NCOR2: variants seen among roughly 807,000 people sequenced by gnomAD.
The protein encoded by NCOR2 is nuclear receptor corepressor 2.
A neutral mutation model predicts 262.9 loss-of-function variants in NCOR2; 81 were observed. That is an observed-to-expected ratio of 0.31 (90% CI 0.26 to 0.37). The LOEUF (loss-of-function observed/expected upper bound fraction) is 0.37, where lower values mean the gene tolerates loss of function less well. Among genes scored for constraint, NCOR2 ranks in the 10% least tolerant of loss-of-function variants. The pLI, the probability that NCOR2 is intolerant of heterozygous loss-of-function variation, is 1.00. For synonymous variants in NCOR2, 1,659 were observed against 1,559.3 expected (o/e 1.06, Z -1.51); for missense variants, 3,385 against 3,621.4 (o/e 0.93, Z 1.68).
chr12:124,424,853 T>A (rs538006923), intron 11 of NCOR2, among the ~76,000 whole-genome samples: 1 of 152,318 alleles, frequency 6.6e-6, no homozygotes, highest in Admixed American at 6.5e-5. Context: ...GTCTCTTCCC[T>A]GCGTCCCCTC....
chr12:124,508,397 G>T (rs2049171786), intron 1 of NCOR2, among the ~76,000 whole-genome samples: 1 of 152,256 alleles, frequency 6.6e-6, no homozygotes, highest in Non-Finnish European at 1.5e-5. Flanking sequence ...CAGCGCCCAG[G>T]AGTGGCGACG....
chr12:124,338,587 A>G (rs1429594306), intron 37 of NCOR2, among the ~76,000 whole-genome samples: 3 of 150,676 alleles, frequency 2.0e-5, no homozygotes, highest in Non-Finnish European at 2.9e-5. Context: ...AGCTCTGCCC[A>G]CAGTCTCTGG....
intron 27 of NCOR2, among the ~76,000 whole-genome samples, chr12:124,353,076 G>A (rs1007450696): frequency 1.3e-5 from 2 of 152,224 alleles, no homozygotes; most frequent in Non-Finnish European, 2.9e-5. Context: ...TGTTTTGGCA[G>A]CTGGCTGTCT....
intron 22 of NCOR2, among the ~76,000 whole-genome samples, chr12:124,357,009 G>T (rs1325154975): frequency 6.6e-6 from 1 of 152,244 alleles, no homozygotes; most frequent in Non-Finnish European, 1.5e-5. Flanking sequence ...CTGAGCTGGG[G>T]GCTCTCAGCT....
At chr12:124,444,368 T>C (rs2045013441) in intron 7 of NCOR2, among the ~76,000 whole-genome samples, 1 of 151,788 alleles carries the variant, frequency 6.6e-6, no homozygotes, top group African/African-American at 2.4e-5. Context: ...GCCAGGGCAC[T>C]GGAGAGGAGA....
intron 41 of NCOR2, among the ~76,000 whole-genome samples, chr12:124,334,046 TCATA>T (rs1413299920): frequency 1.9e-5 from 2 of 106,678 alleles, no homozygotes; most frequent in Non-Finnish European, 4.8e-5. Context: ...TGCTCTCTAA[TCATA>T]CAGCCCTGGA....
intron 9 of NCOR2, among the ~76,000 whole-genome samples, chr12:124,430,145 T>C (rs995168029): frequency 6.6e-6 from 1 of 152,242 alleles, no homozygotes; most frequent in Non-Finnish European, 1.5e-5. Context: ...GGTGTTGTTA[T>C]CATTACCAAT....
In NCOR2 at chr12:124,454,139, T is replaced by C. The variant is rs2045708604; in HGVS notation, c.762+2967A>G. Among the ~76,000 whole-genome samples the C allele has an allele frequency of 6.6e-6, 1 of 152,132 alleles. No individual in the cohort carries two copies. Among genetic ancestry groups the C allele is most frequent in the East Asian group, 1.9e-4 (1 of 5,186 alleles). ...CGGGCCTGGCAGATCTGTGCAGAAC[T>C]GGCCGGCCGCTCTCCCAGGGGCTCA... On this transcript the variant is annotated intron_variant, in intron 6 of 46. Coordinates refer to ENST00000405201, the Ensembl canonical transcript of NCOR2. This position sits in a 1 kb window ranked among gnomAD's most constrained non-coding sequence, Gnocchi z 5.6.
At chr12:124,512,437 A>C (rs1467634491) in intron 1 of NCOR2, among the ~76,000 whole-genome samples, 1 of 152,150 alleles carries the variant, frequency 6.6e-6, no homozygotes, top group Non-Finnish European at 1.5e-5. Flanking sequence ...GTCTCTTCTA[A>C]GGACACTGGT....
chr12:124,393,650 C>T (rs908559176), intron 16 of NCOR2, among the ~76,000 whole-genome samples: 1 of 152,232 alleles, frequency 6.6e-6, no homozygotes, highest in African/African-American at 2.4e-5. Context: ...GCTCTCATGC[C>T]AACCCCATTC....
chr12:124,423,303 C>T lies in NCOR2; in HGVS notation c.1329-748G>A, dbSNP rs538992768. On this transcript the variant is annotated intron_variant, in intron 11 of 46. Transcript: ENST00000405201. ...CTGGCCCCAGGCCCAGGCGTCCCGG[C>T]GACGTGCCACAGCCCCACAGCCTTC... is the stretch of plus-strand genomic sequence containing the variant. Among the ~76,000 whole-genome samples, 92 of 152,288 alleles carry T rather than the reference C, an allele frequency of 6.0e-4. 1 individual carries two copies. Among genetic ancestry groups the T allele is most frequent in the Admixed American group, 2.5e-3 (39 of 15,308 alleles).
chr12:124,406,902 C>G lies in NCOR2; in HGVS notation c.1483-4341G>C, dbSNP rs564639666. ...CTTAATTAAAAACAGCAAAAGCTCGCTGAGCACATTTGATGAGGCCTTCTT... is the reference window on the plus strand; with the variant it reads ...CTTAATTAAAAACAGCAAAAGCTCGGTGAGCACATTTGATGAGGCCTTCTT... On this transcript the variant is annotated intron_variant, in intron 13 of 46. Coordinates refer to ENST00000405201, the Ensembl canonical transcript of NCOR2. 3.9e-5 allele frequency among the ~76,000 whole-genome samples: 6 copies of G among 152,338 alleles called. No homozygotes were observed. In the South Asian group the frequency reaches 8.3e-4, roughly 21 times the overall value.
intron 1 of NCOR2, among the ~76,000 whole-genome samples, chr12:124,507,072 T>G (rs781704922): frequency 3.3e-4 from 50 of 152,186 alleles, no homozygotes; most frequent in African/African-American, 1.2e-3. Flanking sequence ...CTCCTGACAT[T>G]ATGCTGAGTG....
chr12:124,501,062 G>GCACGCACACACA (rs1164232439), intron 1 of NCOR2, among the ~76,000 whole-genome samples: 93 of 147,908 alleles, frequency 6.3e-4, no homozygotes, highest in African/African-American at 1.7e-3. Flanking sequence ...GCGCACGCGC[G>GCACGCACACACA]CACACACACA....
chr12:124,496,413 A>G (rs2048383642), upstream of NCOR2, among the ~76,000 whole-genome samples: 1 of 151,872 alleles, frequency 6.6e-6, no homozygotes, highest in Non-Finnish European at 1.5e-5. This position sits in a 1 kb window ranked among gnomAD's most constrained non-coding sequence, Gnocchi z 4.4. Context: ...GCACCCCCAC[A>G]ATTGCACACA....
rs1238105263 is a variant in NCOR2 at position 124,566,215 on chromosome 12, G to A, written c.-165+1093C>T. Among the ~76,000 whole-genome samples, 1 of 152,182 alleles carries A rather than the reference G, an allele frequency of 6.6e-6. No individual in the cohort carries two copies. Among genetic ancestry groups the A allele is most frequent in the African/African-American group, 2.4e-5 (1 of 41,448 alleles). On this transcript the variant is annotated intron_variant, in intron 1 of 32. Coordinates refer to the NCOR2 transcript ENST00000458234. The surrounding 1 kb of genome is among the most constrained non-coding windows in gnomAD (Gnocchi z 4.3). ...AATAAAACCAGTTCTCACCAACGGG[G>A]GAGAGGAGGAGGGGGAGGAAGGGAG... is the stretch of plus-strand genomic sequence containing the variant.
chr12:124,328,022 T>G (rs1419582887), intron 44 of NCOR2, among the ~76,000 whole-genome samples: 2 of 151,984 alleles, frequency 1.3e-5, no homozygotes, highest in East Asian at 1.9e-4. Context: ...TTGTTTGTTT[T>G]TTTTTTAAAT....
At chr12:124,327,304 G>C (rs966663949) in intron 45 of NCOR2, 105 bp downstream of exon 47, 1 of 930,710 alleles carries the variant, frequency 1.1e-6, no homozygotes, top group Non-Finnish European at 1.6e-6. Flanking sequence ...AAAGTCACAA[G>C]CTCCAAAGCT....
chr12:124,340,153 C>A, exon 37 of NCOR2: 2 of 1,587,870 alleles, frequency 1.3e-6, no homozygotes, highest in Non-Finnish European at 8.5e-7. Context: ...GGAGGCGGGG[C>A]GGCTGCTGCT....
Sources: gnomAD v4.1 joint callset for allele counts (sites outside exome capture counted in the v4.1 genomes callset) on GRCh38, gnomAD v4.1.1 for gene constraint, Gnocchi (gnomAD v3.1) non-coding constraint, MANE v1.5 for transcripts, NCBI Gene and HGNC (gene_info 2026-07-23, HGNC 2026-07-21) for gene names.